Variants in TEX11 observed in about 807,000 individuals in gnomAD.
The protein encoded by TEX11 is testis expressed 11, also known as testis-expressed protein 11.
A neutral mutation model predicts 84.4 loss-of-function variants in TEX11; 7 were observed. The ratio of observed to expected loss-of-function variants is 0.08; its 90% CI spans 0.05 to 0.16. The LOEUF (loss-of-function observed/expected upper bound fraction) is 0.16. TEX11 is among the 10% of genes least tolerant of loss of function. TEX11 has a pLI of 1.00. For missense variants in TEX11, 551 were observed against 660.5 expected (o/e 0.83, Z 1.82); for synonymous variants, 264 against 222.8 (o/e 1.18, Z -1.64).
chrX:70,517,153 C>A, the TEX11 span, among the ~76,000 whole-genome samples: 2 of 111,226 alleles, frequency 1.8e-5, no homozygotes, highest in African/African-American at 6.5e-5. Context: ...AACTTCCAAC[C>A]CTATGTTGAA....
intron 9 of TEX11, among the ~76,000 whole-genome samples, chrX:70,746,114 A>T (rs1202563708): frequency 8.9e-6 from 1 of 111,799 alleles, no homozygotes; most frequent in African/African-American, 3.2e-5. Flanking sequence ...ATGGCATTTG[A>T]ACTATAAACT....
intron 1 of TEX11, 138 bp from the exon 2 acceptor site, chrX:70,907,948 G>A: frequency 2.2e-6 from 1 of 454,964 alleles, no homozygotes. Flanking sequence ...GCCCATGAAA[G>A]GGCTTTTGTG....
intron 25 of TEX11, among the ~76,000 whole-genome samples, chrX:70,560,893 G>GTTTTTTTTTTT (rs745618647): frequency 3.0e-5 from 1 of 33,593 alleles, no homozygotes; most frequent in African/African-American, 1.4e-4. Context: ...CACCACACCG[G>GTTTTTTTTTTT]TTTTTTTTTT....
intron 9 of TEX11, among the ~76,000 whole-genome samples, chrX:70,791,014 C>T (rs1255220968): frequency 2.7e-5 from 3 of 111,192 alleles, no homozygotes; most frequent in Admixed American, 9.6e-5. Context: ...ATATGTATAC[C>T]GTGGCACATA....
intron 13 of TEX11, among the ~76,000 whole-genome samples, chrX:70,698,415 T>C (rs1182708311): frequency 9.1e-6 from 1 of 109,548 alleles, no homozygotes; most frequent in Non-Finnish European, 1.9e-5. Context: ...CTTTAAAGAA[T>C]TTCTATAATT....
At chrX:70,728,990 A>G (rs1287141898) in intron 11 of TEX11, among the ~76,000 whole-genome samples, 4 of 83,085 alleles carry the variant, frequency 4.8e-5, no homozygotes, top group Admixed American at 1.4e-4. Flanking sequence ...TCAGGCAGCA[A>G]CATTTGCTGT....
At chrX:70,670,317 T>G in intron 16 of TEX11, 60 bp downstream of exon 16, 1 of 1,138,625 alleles carries the variant, frequency 8.8e-7, no homozygotes, top group Non-Finnish European at 1.2e-6. Flanking sequence ...ATGGCATCTA[T>G]CTCTCTGCCA....
chrX:70,885,173 T>TG (rs201334832), intron 2 of TEX11, among the ~76,000 whole-genome samples: 5,096 of 110,299 alleles, frequency 0.046, 137 homozygotes, highest in Non-Finnish European at 0.076. Context: ...CAAGCCTAAT[T>TG]GGGGGGGCCC....
In TEX11 at chrX:70,758,119, T is replaced by C. The variant is rs899282402; in HGVS notation, c.693-13900A>G. On this transcript the variant is annotated intron_variant, in intron 9 of 29. Transcript: ENST00000374333. ...CCCAATACAGCAGCACCCAGATTCATAAAGCAAGTCCTTAGAGACCTACAA... is the reference window on the plus strand; with the variant it reads ...CCCAATACAGCAGCACCCAGATTCACAAAGCAAGTCCTTAGAGACCTACAA... Among the ~76,000 whole-genome samples the C allele has an allele frequency of 6.3e-5, 7 of 111,815 alleles. No homozygotes were observed. The East Asian group carries it at 1.4e-3, about 22-fold the overall frequency.
intron 9 of TEX11, among the ~76,000 whole-genome samples, chrX:70,759,312 C>CA (rs757770949): frequency 1.1e-4 from 12 of 111,198 alleles, no homozygotes; most frequent in Non-Finnish European, 5.7e-5. Flanking sequence ...AGGGACACAA[C>CA]AAAAAAACAG....
At chrX:70,565,880 G>T (rs1165298666) in intron 25 of TEX11, among the ~76,000 whole-genome samples, 9 of 111,106 alleles carry the variant, frequency 8.1e-5, no homozygotes, top group Non-Finnish European at 1.5e-4. Context: ...TTGACTTGGA[G>T]ATGCAGGCTC....
intron 23 of TEX11, among the ~76,000 whole-genome samples, chrX:70,605,955 T>C (rs1008555148): frequency 8.9e-6 from 1 of 112,147 alleles, no homozygotes; most frequent in Non-Finnish European, 1.9e-5. Flanking sequence ...GCATTAGTCA[T>C]GACCTCATCA....
chrX:70,903,207 AGAT>A lies in TEX11; in HGVS notation c.37+4543_37+4545del, dbSNP rs1432558795. Among the ~76,000 whole-genome samples the A allele has an allele frequency of 2.9e-4, 31 of 107,993 alleles. 1 individual carries two copies. Among genetic ancestry groups the A allele is most frequent in the African/African-American group, 1.0e-3 (30 of 29,180 alleles). The allele number at this position is 107,993 out of a possible 115,157, so 93.8% of individuals were successfully genotyped here. On this transcript the variant is annotated intron_variant, in intron 2 of 29. Transcript: ENST00000374333. ...TTATAAATAGAAGGAGTACACTCTA[AGAT>A]GATGATAAAAAAATAGTATAAGATA...
rs141170654 is a variant in TEX11 at position 70,809,976 on chromosome X, A to C, written c.607-3186T>G. On this transcript the variant is annotated intron_variant, in intron 8 of 29. Transcript: ENST00000374333. The stretch of plus-strand genomic sequence containing the variant: ...GAATTACATGCAACAAGTAGGCATT[A>C]AAAAGTAATATGAACAGACACTTCT... Among the ~76,000 whole-genome samples, 1,085 of 112,170 alleles carry C rather than the reference A, an allele frequency of 9.7e-3. 8 individuals carry two copies. The highest frequency in any genetic ancestry group is 0.015 in the Non-Finnish European group (796 of 53,176).
At chrX:70,588,068 C>G (rs1172926436) in intron 25 of TEX11, among the ~76,000 whole-genome samples, 2 of 112,382 alleles carry the variant, frequency 1.8e-5, no homozygotes, top group African/African-American at 6.5e-5. Context: ...CCCATTTTAT[C>G]TAGGAAGTAA....
intron 2 of TEX11, among the ~76,000 whole-genome samples, chrX:70,898,555 C>G (rs1347485109): frequency 9.0e-6 from 1 of 110,925 alleles, no homozygotes; most frequent in Non-Finnish European, 1.9e-5. Context: ...GTATGGCATA[C>G]TAAGAAAGTT....
chrX:70,843,987 A>C (rs1401703210), intron 7 of TEX11, among the ~76,000 whole-genome samples: 2 of 111,200 alleles, frequency 1.8e-5, no homozygotes, highest in African/African-American at 6.5e-5. Flanking sequence ...ATGTGGAGAA[A>C]TAGGAATGCT....
At chrX:70,730,128 A>C (rs2147730398) in intron 11 of TEX11, among the ~76,000 whole-genome samples, 1 of 112,029 alleles carries the variant, frequency 8.9e-6, no homozygotes, top group East Asian at 2.8e-4. Context: ...TGTCACCACC[A>C]GGCCTGCCCT....
chrX:70,771,803 C>T (rs1420725917), intron 9 of TEX11, among the ~76,000 whole-genome samples: 2 of 111,906 alleles, frequency 1.8e-5, no homozygotes, highest in East Asian at 2.8e-4. Flanking sequence ...AGGCCCACCA[C>T]TATGGACCCA....
Sources: gnomAD v4.1 joint callset for allele counts (sites outside exome capture counted in the v4.1 genomes callset) on GRCh38, gnomAD v4.1.1 for gene constraint, MANE v1.5 for transcripts, NCBI Gene and HGNC (gene_info 2026-07-23, HGNC 2026-07-21) for gene names.